Variants in TET2 observed in about 807,000 individuals in gnomAD.
TET2 encodes methylcytosine dioxygenase TET2.
A neutral mutation model predicts 142.9 loss-of-function variants in TET2; 299 were observed. The ratio of observed to expected loss-of-function variants is 2.09; its 90% CI spans 1.90 to 2.30. TET2 has a LOEUF of 2.30. TET2 is among the 30% of genes most tolerant of loss of function. TET2 has a pLI of 0.00. For missense variants in TET2, 2,418 were observed against 2,378.0 expected, an observed-to-expected ratio of 1.02 and a Z score of -0.35; for synonymous variants, 819 against 849.0, an observed-to-expected ratio of 0.96 and a Z score of 0.61.
rs1728843414 is a variant in TET2, at chr4:105,235,861, A to G, written c.1919A>G (p.Gln640Arg). ...KSQMYQVEMN[Q>R]GQSQGTVDQH... ...CAAATGTACCAAGTTGAAATGAATC[A>G]AGGGCAGTCCCAAGGTACAGTGGAC... The change falls in exon 3 of 11, where the codon CAA becomes CGA. Residue 640 changes from glutamine (Q) to arginine (R), a missense_variant. Coordinates refer to ENST00000380013, the MANE Select transcript of TET2 (RefSeq NM_001127208.3). 5 of 1,613,886 alleles carry G rather than the reference A, an allele frequency of 3.1e-6. No individual in the cohort carries two copies. Among genetic ancestry groups the G allele is most frequent in the South Asian group, 1.1e-5 (1 of 91,084 alleles).
chr4:105,267,793 TA>T (rs1730757844), intron 8 of TET2, among the ~76,000 whole-genome samples: 1 of 151,696 alleles, frequency 6.6e-6, no homozygotes, highest in South Asian at 2.1e-4. Flanking sequence ...ACTTTAAATA[TA>T]AAGATACAAA....
Position 105,237,004 on chromosome 4 carries a change from A to G in TET2, c.3062A>G (p.Gln1021Arg), listed in dbSNP as rs1340372738. 4.3e-6 allele frequency: 7 copies of G among 1,614,174 alleles called. No homozygotes were observed. The highest frequency in any genetic ancestry group is 5.9e-6 in the Non-Finnish European group (7 of 1,180,010). ...CCTGCAAGCTGTGATAATGTGCAGC[A>G]AAAGAGCATCATTGAGACCATGGAG... ...NPPASCDNVQQKSIIETMEQH... is the reference protein window; with the variant it reads ...NPPASCDNVQRKSIIETMEQH... Residue 1021 changes from glutamine to arginine, a missense_variant, in exon 3 of 11, where the codon CAA (glutamine) becomes CGA (arginine). Gln to Arg is a conservative substitution (Grantham distance 43). Coordinates refer to ENST00000380013, the MANE Select transcript of TET2 (RefSeq NM_001127208.3).
At chr4:105,247,804 C>G (rs1419433325) in intron 6 of TET2, among the ~76,000 whole-genome samples, 1 of 146,374 alleles carries the variant, frequency 6.8e-6, no homozygotes, top group East Asian at 2.0e-4. Flanking sequence ...TCACTGCAAC[C>G]TCCACCTCCC....
intron 1 of TET2, among the ~76,000 whole-genome samples, chr4:105,165,084 A>T (rs763850363): frequency 3.9e-5 from 6 of 152,162 alleles, no homozygotes; most frequent in African/African-American, 4.8e-5. Context: ...TTGCTTAAAG[A>T]TAGATGATAG....
rs1469293606 is a variant in TET2 at position 105,275,269 on chromosome 4, G to A, written c.4759G>A (p.Asp1587Asn). The A allele has an allele frequency of 6.4e-7, 1 of 1,552,248 alleles. No homozygotes were observed. The highest frequency in any genetic ancestry group is 2.4e-5 in the East Asian group (1 of 40,920). Reference sequence around the variant, plus strand: ...TTATCCAAACTCTTCACACACTTCAGATATCTATGGAAGCACCAGCCCTAT... The same window carrying A: ...TTATCCAAACTCTTCACACACTTCAAATATCTATGGAAGCACCAGCCCTAT... ...SPYPNSSHTS[D>N]IYGSTSPMNF... The change falls in exon 11 of 11, where the codon GAT becomes AAT. Residue 1587 changes from aspartate (D) to asparagine (N), a missense_variant. Asp to Asn is a conservative substitution (Grantham distance 23). Transcript: ENST00000380013.
chr4:105,200,295 A>G (rs142206137), intron 2 of TET2, among the ~76,000 whole-genome samples: 1 of 151,560 alleles, frequency 6.6e-6, no homozygotes, highest in East Asian at 1.9e-4. Context: ...ATGATCAGTG[A>G]TGTTGAGCTT....
At chr4:105,207,229 A>T (rs1372346455) in intron 2 of TET2, among the ~76,000 whole-genome samples, 35 of 152,154 alleles carry the variant, frequency 2.3e-4, no homozygotes, top group Admixed American at 2.0e-3. Context: ...TAAGACAAAG[A>T]TTTACTATCT....
At chr4:105,171,870 T>C (rs1383563467) in intron 1 of TET2, 1 of 152,224 alleles carries the variant, frequency 6.6e-6, no homozygotes, top group Non-Finnish European at 1.5e-5. Flanking sequence ...GCCTATTTCC[T>C]AATCTTCCAA....
intron 2 of TET2, among the ~76,000 whole-genome samples, chr4:105,229,323 T>C (rs910659265): frequency 2.0e-5 from 3 of 152,200 alleles, no homozygotes; most frequent in Non-Finnish European, 4.4e-5. Context: ...TATAACTTTA[T>C]TTTTTTGAGA....
chr4:105,232,880 A>G (rs1447797674), intron 2 of TET2, among the ~76,000 whole-genome samples: 1 of 152,186 alleles, frequency 6.6e-6, no homozygotes, highest in Non-Finnish European at 1.5e-5. Context: ...TGTCACCTGG[A>G]ATATTGATAA....
At chr4:105,202,719 A>G (rs779966270) in intron 2 of TET2, among the ~76,000 whole-genome samples, 4 of 152,190 alleles carry the variant, frequency 2.6e-5, no homozygotes, top group Admixed American at 6.5e-5. Flanking sequence ...ATTTTGCAAC[A>G]TATGCCTACT....
rs562667223 is a variant in TET2 at position 105,243,622 on chromosome 4, G to A, written c.3647G>A (p.Arg1216Gln). The A allele has an allele frequency of 6.4e-7, 1 of 1,551,572 alleles. No homozygotes were observed. The highest frequency in any genetic ancestry group is 1.4e-5 in the African/African-American group (1 of 73,130). Residue 1216 changes from arginine to glutamine, a missense_variant, in exon 6 of 11, where the codon CGA becomes CAA. By Grantham distance (43) the Arg-to-Gln change is conservative (BLOSUM62 1). Coordinates refer to ENST00000380013, the MANE Select transcript of TET2 (RefSeq NM_001127208.3). ...AAGCTACTGTGTTTGGTGCGGGAGC[G>A]AGCTGGCCACACCTGTGAGGCTGCA... ...EEKLLCLVRE[R>Q]AGHTCEAAVI...
Position 105,234,014 on chromosome 4 carries a change from T to A in TET2, c.72T>A (p.Ile24=). The change falls in exon 3 of 11, where the codon ATT becomes ATA. Residue 24 remains isoleucine (I), a synonymous_variant. Transcript: ENST00000380013. ...CATTCCTGATACCATCACCTCCCAT[T>A]TGCCAGACAGAACCTCTGGCTACAA... The part of the protein sequence containing the change: ...LSPFLIPSPP[I]CQTEPLATKL... 6.2e-7 allele frequency: 1 copy of A among 1,614,042 alleles called. No individual in the cohort carries two copies. The highest frequency in any genetic ancestry group is 8.5e-7 in the Non-Finnish European group (1 of 1,179,990).
intron 1 of TET2, among the ~76,000 whole-genome samples, chr4:105,168,427 T>G (rs1724274938): frequency 6.6e-6 from 1 of 152,138 alleles, no homozygotes; most frequent in Non-Finnish European, 1.5e-5. Context: ...TCCCTCTTCC[T>G]GGAGCACCCT....
At chr4:105,153,607 A>G (rs1247718393) in intron 1 of TET2, among the ~76,000 whole-genome samples, 1 of 152,194 alleles carries the variant, frequency 6.6e-6, no homozygotes, top group African/African-American at 2.4e-5. Context: ...TCTTATCCCT[A>G]TTTATGAGTG....
At chr4:105,261,700 C>A in intron 7 of TET2, 59 bp from the exon 8 acceptor site, 1 of 1,090,964 alleles carries the variant, frequency 9.2e-7, no homozygotes, top group South Asian at 1.4e-5. Context: ...CTGATAGTCT[C>A]TTTTACATAG....
At position 105,276,380 on chromosome 4, in the gene TET2, A is replaced by G. The variant is rs1384867565; in HGVS notation, c.5870A>G (p.His1957Arg). The G allele has an allele frequency of 1.3e-6, 2 of 1,552,038 alleles. No homozygotes were observed. The highest frequency in any genetic ancestry group is 1.2e-5 in the South Asian group (1 of 84,060). The change falls in exon 11 of 11, where the codon CAT (histidine) becomes CGT (arginine). Residue 1957 changes from histidine to arginine, a missense_variant. His to Arg is a conservative substitution (Grantham distance 29, BLOSUM62 0). Transcript: ENST00000380013. ...GTGAAACGGGAGCCTGCTGAGCCAC[A>G]TGAAACTTCAGAGCCCACTTACCTG... ...KKVKREPAEPHETSEPTYLRF... is the reference protein window; with the variant it reads ...KKVKREPAEPRETSEPTYLRF...
intron 2 of TET2, among the ~76,000 whole-genome samples, chr4:105,209,340 C>T (rs1278386262): frequency 6.6e-6 from 1 of 151,734 alleles, no homozygotes; most frequent in African/African-American, 2.4e-5. Context: ...GAATTTCCAT[C>T]CAAATAGGGA....
chr4:105,218,433 G>A (rs574784937), intron 2 of TET2, among the ~76,000 whole-genome samples: 6 of 152,120 alleles, frequency 3.9e-5, no homozygotes, highest in East Asian at 1.9e-4. Context: ...ATGCCGTTTC[G>A]TTCTTTTAGC....
Sources: gnomAD v4.1 joint callset for allele counts (sites outside exome capture counted in the v4.1 genomes callset) on GRCh38, gnomAD v4.1.1 for gene constraint, MANE v1.5 for transcripts, NCBI Gene and HGNC (gene_info 2026-07-23, HGNC 2026-07-21) for gene names.